The following COL21A1 variants were observed in gnomAD, a reference collection of about 807,000 sequenced individuals.
The protein encoded by COL21A1 is collagen type XXI alpha 1 chain.
In COL21A1, 149 loss-of-function variants were observed where a neutral mutation model predicts 137.9. The ratio of observed to expected loss-of-function variants is 1.08; its 90% CI spans 0.95 to 1.24. The LOEUF is 1.24. COL21A1 is among the 50% of genes most tolerant of loss of function. The pLI is 0.00. For missense variants in COL21A1, 1,167 were observed against 1,158.4 expected (o/e 1.01, Z -0.11); for synonymous variants, 456 against 391.5 (o/e 1.16, Z -1.95).
chr6:56,255,337 GTGTGTGT>G (rs1562026470), intron 1 of COL21A1, among the ~76,000 whole-genome samples: 18 of 25,904 alleles, frequency 6.9e-4, no homozygotes, highest in Admixed American at 4.0e-3. Flanking sequence ...TTAAGAGGGT[GTGTGTGT>G]GTGTGTGTGT....
chr6:56,307,738 G>T (rs147375924), intron 1 of COL21A1, among the ~76,000 whole-genome samples: 345 of 152,198 alleles, frequency 2.3e-3, no homozygotes, highest in African/African-American at 7.8e-3. Flanking sequence ...TCCTGCACCC[G>T]CTTTCCGACA....
chr6:56,384,659 C>A (rs1018414), intron 1 of COL21A1, among the ~76,000 whole-genome samples: 50,985 of 152,016 alleles, frequency 0.34, 9,152 homozygotes, highest in East Asian at 0.62. Flanking sequence ...CTGTGTAGAA[C>A]TATCTGATAA....
intron 1 of COL21A1, among the ~76,000 whole-genome samples, chr6:56,392,028 T>A (rs1488338741): frequency 6.6e-6 from 1 of 152,014 alleles, no homozygotes; most frequent in Non-Finnish European, 1.5e-5. Flanking sequence ...TACCCTCATA[T>A]CAAAACCAGA....
chr6:56,161,656 C>T (rs1479492679), intron 9 of COL21A1, among the ~76,000 whole-genome samples: 1 of 152,120 alleles, frequency 6.6e-6, no homozygotes. Flanking sequence ...TAATCATTCC[C>T]TATGTTTATC....
chr6:56,130,758 T>TGA (rs1582439605), intron 12 of COL21A1, among the ~76,000 whole-genome samples: 1 of 151,706 alleles, frequency 6.6e-6, no homozygotes. Context: ...TAAATCAGTG[T>TGA]GAGAGAGAGA....
At chr6:56,387,039 T>A (rs2094019523) in intron 1 of COL21A1, among the ~76,000 whole-genome samples, 2 of 152,304 alleles carry the variant, frequency 1.3e-5, no homozygotes, top group South Asian at 4.1e-4. Context: ...CTTGCAAATG[T>A]CAAAAGGGTT....
intron 16 of COL21A1, among the ~76,000 whole-genome samples, chr6:56,104,904 C>T (rs1281517230): frequency 6.6e-6 from 1 of 152,116 alleles, no homozygotes; most frequent in Non-Finnish European, 1.5e-5. Context: ...TATAGCAATC[C>T]TCAAAATCAG....
At chr6:56,155,235 G>A (rs542342468) in intron 10 of COL21A1, among the ~76,000 whole-genome samples, 6 of 152,204 alleles carry the variant, frequency 3.9e-5, no homozygotes, top group Non-Finnish European at 8.8e-5. Context: ...TTTCTCTAGA[G>A]AGGTTTACCT....
At chr6:56,162,703 C>A (rs1776282312) in intron 9 of COL21A1, among the ~76,000 whole-genome samples, 1 of 152,166 alleles carries the variant, frequency 6.6e-6, no homozygotes, top group Admixed American at 6.5e-5. Context: ...TACATTATAT[C>A]TCATGCAGGT....
At position 56,057,512 on chromosome 6, in the gene COL21A1, T is replaced by C. The variant is rs1765429883; in HGVS notation, c.*145A>G. 1.3e-6 allele frequency: 1 copy of C among 744,178 alleles called. No homozygotes were observed. Among genetic ancestry groups the C allele is most frequent in the South Asian group, 1.7e-5 (1 of 60,322 alleles). 46.1% of individuals were successfully genotyped at this position (744,178 alleles called of 1,614,324 possible). ...TTTAAAATCAGTATATGTGATCTTT[T>C]ATATTTTTTTCCATAAGAAAAAAAA... On this transcript the variant is annotated 3_prime_UTR_variant, in exon 30 of 30. Coordinates refer to ENST00000244728, the MANE Select transcript of COL21A1 (RefSeq NM_030820.4).
At chr6:56,103,682 CTTA>C (rs1770640773) in intron 16 of COL21A1, among the ~76,000 whole-genome samples, 1 of 152,114 alleles carries the variant, frequency 6.6e-6, no homozygotes, top group South Asian at 2.1e-4. Context: ...GAGGATTTAA[CTTA>C]TTATGTTCTT....
chr6:56,174,823 T>A (rs1436931288), intron 3 of COL21A1, among the ~76,000 whole-genome samples: 1 of 152,050 alleles, frequency 6.6e-6, no homozygotes, highest in East Asian at 1.9e-4. Context: ...AGCATTAACC[T>A]GATACCAAAG....
At chr6:56,370,575 C>T (rs765519475) in intron 1 of COL21A1, among the ~76,000 whole-genome samples, 6 of 152,120 alleles carry the variant, frequency 3.9e-5, no homozygotes, top group South Asian at 2.1e-4. Context: ...CAAAATAAAC[C>T]GTACAATTGG....
chr6:56,110,391 A>G (rs533978422), intron 16 of COL21A1, among the ~76,000 whole-genome samples: 10 of 152,014 alleles, frequency 6.6e-5, no homozygotes, highest in African/African-American at 2.2e-4. Flanking sequence ...CTAACATTCA[A>G]TGTTAAAAGA....
chr6:56,106,766 T>C (rs892451556), intron 16 of COL21A1, among the ~76,000 whole-genome samples: 4 of 151,944 alleles, frequency 2.6e-5, no homozygotes, highest in African/African-American at 9.7e-5. Context: ...CAAAATACTG[T>C]AACCTGGATT....
chr6:56,076,594 C>T (rs1182448443), intron 18 of COL21A1, among the ~76,000 whole-genome samples: 13 of 150,982 alleles, frequency 8.6e-5, no homozygotes, highest in Non-Finnish European at 1.9e-4. Flanking sequence ...GAGTGTTTAT[C>T]ATTTTTAAAA....
chr6:56,244,267 C>G (rs1162251487), intron 1 of COL21A1, among the ~76,000 whole-genome samples: 1 of 152,172 alleles, frequency 6.6e-6, no homozygotes, highest in Non-Finnish European at 1.5e-5. Flanking sequence ...ATTGATCATT[C>G]CTAGTTGGCC....
intron 23 of COL21A1, among the ~76,000 whole-genome samples, chr6:56,065,507 ATAAT>A (rs1766163261): frequency 6.6e-6 from 1 of 152,040 alleles, no homozygotes; most frequent in Admixed American, 6.6e-5. Flanking sequence ...TCTACAATGT[ATAAT>A]TAAACATCTG....
At chr6:56,263,764 C>T (rs1332907798) in intron 1 of COL21A1, among the ~76,000 whole-genome samples, 1 of 152,138 alleles carries the variant, frequency 6.6e-6, no homozygotes, top group Non-Finnish European at 1.5e-5. Flanking sequence ...AAGCTGTGTT[C>T]TTGTTTTCTA....
Sources: gnomAD v4.1 joint callset for allele counts (sites outside exome capture counted in the v4.1 genomes callset) on GRCh38, gnomAD v4.1.1 for gene constraint, MANE v1.5 for transcripts, NCBI Gene and HGNC (gene_info 2026-07-23, HGNC 2026-07-21) for gene names.